The following USP53 variants were observed in gnomAD, a reference collection of about 807,000 sequenced individuals.
USP53 encodes ubiquitin carboxyl-terminal hydrolase 53.
Under a neutral mutation model 94.9 loss-of-function variants are expected in USP53, and 71 were observed. That is an observed-to-expected ratio of 0.75 (90% CI 0.62 to 0.91). The LOEUF is 0.91. Ranked by LOEUF, USP53 falls within the 40% of genes least tolerant of loss-of-function variation. USP53 has a pLI of 0.00. For missense variants in USP53, 1,173 were observed against 1,281.0 expected (o/e 0.92, Z 1.29); for synonymous variants, 375 against 422.7 (o/e 0.89, Z 1.39).
At chr4:119,267,631 A>G in intron 13 of USP53, 149 bp downstream of exon 13, 1 of 960,250 alleles carries the variant, frequency 1.0e-6, no homozygotes. Context: ...TTTTGTTAGT[A>G]TTTTGGAATG....
intron 7 of USP53, among the ~76,000 whole-genome samples, chr4:119,250,747 T>TA (rs935415336): frequency 1.3e-5 from 2 of 152,150 alleles, no homozygotes; most frequent in African/African-American, 2.4e-5. Flanking sequence ...TAAAAAGAAT[T>TA]ATGTTAAAGA....
intron 17 of USP53, among the ~76,000 whole-genome samples, chr4:119,279,970 G>A (rs1753295274): frequency 6.6e-6 from 1 of 152,184 alleles, no homozygotes; most frequent in South Asian, 2.1e-4. Context: ...CGCACACGGT[G>A]CGCACACCCA....
chr4:119,216,759 C>T (rs1743823527), intron 2 of USP53, among the ~76,000 whole-genome samples: 1 of 152,138 alleles, frequency 6.6e-6, no homozygotes, highest in Non-Finnish European at 1.5e-5. Context: ...TTTCATTGAA[C>T]AATTTATCTG....
rs770795452 is a variant in USP53, at chr4:119,239,781, C to A, written c.22C>A (p.Arg8=). The A allele has an allele frequency of 4.3e-6, 7 of 1,611,104 alleles. No individual in the cohort carries two copies. In the South Asian group the frequency reaches 6.6e-5, roughly 15 times the overall value. Residue 8 remains arginine (R), a synonymous_variant, in exon 5 of 19, where the codon CGG becomes AGG. Coordinates refer to ENST00000692078, the MANE Select transcript of USP53 (RefSeq NM_001371395.1). ...GAAAATGGCATGGGTAAAATTCTTA[C>A]GGAAACCTGGTGGCAATCTTGGAAA... MAWVKFL[R]KPGGNLGKVY... is the part of the protein sequence containing the mutation.
At position 119,256,260 on chromosome 4, in the gene USP53, G is replaced by A. The variant is rs61998242; in HGVS notation, c.387G>A (p.Glu129=). 3.0e-4 allele frequency: 487 copies of A among 1,611,952 alleles called. No individual in the cohort carries two copies. In the African/African-American group the frequency reaches 5.4e-3, roughly 18 times the overall value. The change falls in exon 8 of 19, where the codon GAG becomes GAA. Residue 129 remains glutamate, a synonymous_variant. Coordinates refer to ENST00000692078, the MANE Select transcript of USP53 (RefSeq NM_001371395.1). ...TTTTAAATTAGGAAAATATGTTGGA[G>A]AGGATTCATTTTCACATAGTGCCAA... ...DAAECFENML[E]RIHFHIVPSR... is the part of the protein sequence containing the mutation.
At chr4:119,285,068 ATGT>A (rs756382831) in intron 17 of USP53, among the ~76,000 whole-genome samples, 3 of 151,906 alleles carry the variant, frequency 2.0e-5, no homozygotes, top group Non-Finnish European at 2.9e-5. Context: ...TAAGGAACTA[ATGT>A]TGTACAGAGG....
chr4:119,256,450 CGTAGCTGT>C lies in USP53; in HGVS notation c.498_505del (p.Cys168IlefsTer22). ...GTTTTTACCTATATAGTGTGTGTGT[CGTAGCTGT>C]GGAGCATCGTCAGATCCTCTACCTT... On this transcript the variant is annotated frameshift_variant, in exon 9 of 19. Coordinates refer to ENST00000692078, the MANE Select transcript of USP53 (RefSeq NM_001371395.1). LOFTEE classifies it high-confidence loss of function. 1 of 1,613,942 alleles carries C rather than the reference CGTAGCTGT, an allele frequency of 6.2e-7. No individual in the cohort carries two copies. Among genetic ancestry groups the C allele is most frequent in the Non-Finnish European group, 8.5e-7 (1 of 1,179,968 alleles).
intron 15 of USP53, among the ~76,000 whole-genome samples, chr4:119,270,070 GAAATT>G (rs2149414535): frequency 6.8e-6 from 1 of 147,360 alleles, no homozygotes; most frequent in Non-Finnish European, 1.5e-5. Context: ...TTTATATATA[GAAATT>G]AAATTATATT....
chr4:119,249,036 A>T (rs1317788158), intron 7 of USP53, among the ~76,000 whole-genome samples, 154 bp downstream of exon 7: 1 of 152,216 alleles, frequency 6.6e-6, no homozygotes. Context: ...TTCAAGCCTC[A>T]ACTTCAATCC....
At chr4:119,259,296 G>GC (rs1460889601) in intron 9 of USP53, among the ~76,000 whole-genome samples, 4 of 134,304 alleles carry the variant, frequency 3.0e-5, no homozygotes, top group South Asian at 2.6e-4. Flanking sequence ...AAAAAAAAAA[G>GC]GGGGGGGAGT....
At chr4:119,285,362 T>G (rs777457092) in intron 17 of USP53, among the ~76,000 whole-genome samples, 1 of 151,920 alleles carries the variant, frequency 6.6e-6, no homozygotes, top group African/African-American at 2.4e-5. Flanking sequence ...AGATCATATG[T>G]AACAGATCAC....
At chr4:119,265,537 G>A (rs1751011389) in intron 12 of USP53, among the ~76,000 whole-genome samples, 1 of 152,110 alleles carries the variant, frequency 6.6e-6, no homozygotes, top group Non-Finnish European at 1.5e-5. Context: ...CAGGTGTGGT[G>A]GCACATGCCT....
intron 17 of USP53, among the ~76,000 whole-genome samples, chr4:119,287,228 A>G (rs1368404861): frequency 6.6e-6 from 1 of 152,070 alleles, no homozygotes; most frequent in African/African-American, 2.4e-5. Flanking sequence ...AGGCACGTAT[A>G]TAATCAGAGC....
In USP53 at chr4:119,288,723, G is replaced by C. The variant is rs548218471; in HGVS notation, c.2252-2442G>C. ...AGGCCGACGCTGGCGGATCACCTGAGGTTTGGAGTTCGAGACCAGCCTGAC... is the reference window on the plus strand; with the variant it reads ...AGGCCGACGCTGGCGGATCACCTGACGTTTGGAGTTCGAGACCAGCCTGAC... On this transcript the variant is annotated intron_variant, in intron 17 of 18. Transcript: ENST00000692078. 9.2e-5 allele frequency among the ~76,000 whole-genome samples: 14 copies of C among 152,144 alleles called. No homozygotes were observed. The South Asian group carries it at 1.5e-3, about 16-fold the overall frequency.
chr4:119,231,549 A>G (rs1243330419), intron 3 of USP53, among the ~76,000 whole-genome samples: 1 of 152,174 alleles, frequency 6.6e-6, no homozygotes, highest in South Asian at 2.1e-4. Context: ...CAAGTACTGT[A>G]CTATAATGCC....
In USP53 at chr4:119,256,324, A is replaced by G; in HGVS notation, c.451A>G (p.Thr151Ala). The part of the protein sequence containing the change: ...ADMCTSKSCI[T>A]HQKFAMTLYE... ...CATGTGTACCTCTAAATCTTGTATC[A>G]CTCACCAGAAGTTTGCTATGACTCT... Residue 151 changes from threonine (T) to alanine (A), a missense_variant, in exon 8 of 19, where the codon ACT (threonine) becomes GCT (alanine). Physicochemically the swap from Thr to Ala is moderately conservative, Grantham distance 58 (BLOSUM62 0). Transcript: ENST00000692078. 1 of 1,613,906 alleles carries G rather than the reference A, an allele frequency of 6.2e-7. No individual in the cohort carries two copies. The highest frequency in any genetic ancestry group is 8.5e-7 in the Non-Finnish European group (1 of 1,179,942).
At position 119,292,929 on chromosome 4, in the gene USP53, A is replaced by C; in HGVS notation, c.2940A>C (p.Glu980Asp). The C allele has an allele frequency of 6.2e-7, 1 of 1,614,120 alleles. No individual in the cohort carries two copies. Among genetic ancestry groups the C allele is most frequent in the Non-Finnish European group, 8.5e-7 (1 of 1,179,972 alleles). Residue 980 changes from glutamate to aspartate, a missense_variant, in exon 19 of 19, where the codon GAA becomes GAC. Transcript: ENST00000692078. ...SLEVSTHMNDERHKETFQVRE... is the reference protein window; with the variant it reads ...SLEVSTHMNDDRHKETFQVRE... ...AAGTGAGTACACATATGAATGATGA[A>C]AGACATAAAGAAACATTTCAAGTGA...
Position 119,271,504 on chromosome 4 carries a change from C to T in USP53, c.1644C>T (p.Gly548=). 1 of 1,613,116 alleles carries T rather than the reference C, an allele frequency of 6.2e-7. No individual in the cohort carries two copies. Among genetic ancestry groups the T allele is most frequent in the African/African-American group, 1.3e-5 (1 of 74,916 alleles). Residue 548 remains glycine, a synonymous_variant, in exon 16 of 19, where the codon GGC becomes GGT. Coordinates refer to ENST00000692078, the MANE Select transcript of USP53 (RefSeq NM_001371395.1). The stretch of plus-strand genomic sequence containing the variant: ...TTGCTCCAGGAGAGAAAATAACTGG[C>T]AAAGTTAAGAGTGACAATGGCACTG... ...QILAPGEKIT[G]KVKSDNGTGY... is the part of the protein sequence containing the mutation.
At chr4:119,235,475 G>A (rs1746609977) in intron 4 of USP53, 64 bp downstream of exon 4, 1 of 151,946 alleles carries the variant, frequency 6.6e-6, no homozygotes, top group Non-Finnish European at 1.5e-5. Context: ...ACAAGGTCTT[G>A]CTATGTTGCC....
Sources: allele counts gnomAD v4.1 joint callset (sites outside exome capture counted in the v4.1 genomes callset), GRCh38; gene constraint gnomAD v4.1.1; transcripts MANE v1.5; gene names NCBI Gene and HGNC (gene_info 2026-07-23, HGNC 2026-07-21).